The following CD302 variants were observed in gnomAD, a reference collection of about 807,000 sequenced individuals.
The protein encoded by CD302 is CD302 molecule.
In CD302, 23 loss-of-function variants were observed where a neutral mutation model predicts 26.5. That is an observed-to-expected ratio of 0.87 (90% CI 0.62 to 1.23). The LOEUF (loss-of-function observed/expected upper bound fraction) is 1.23. CD302 is among the 50% of genes most tolerant of loss of function. The probability of loss-of-function intolerance (pLI) is 0.00; values close to 1 mark genes in which losing one functional copy is unlikely to be tolerated. For missense variants in CD302, 290 were observed against 275.5 expected (o/e 1.05, Z -0.37); for synonymous variants, 90 against 99.4 (o/e 0.91, Z 0.56).
intron 2 of CD302, 128 bp downstream of exon 2, chr2:159,783,227 CAAAT>C: frequency 1.5e-6 from 1 of 665,556 alleles, no homozygotes; most frequent in Non-Finnish European, 2.4e-6. Context: ...TGTGTGTTGT[CAAAT>C]AAAAGTTGTA....
rs746063946 is a variant in CD302 at position 159,771,867 on chromosome 2, G to A, written c.683C>T (p.Pro228Leu). 1.9e-6 allele frequency: 3 copies of A among 1,613,666 alleles called. No homozygotes were observed. The highest frequency in any genetic ancestry group is 8.5e-7 in the Non-Finnish European group (1 of 1,179,822). The change falls in exon 6 of 6, where the codon CCT (proline) becomes CTT (leucine). Residue 228 changes from proline (P) to leucine (L), a missense_variant. Coordinates refer to ENST00000259053, the MANE Select transcript of CD302 (RefSeq NM_014880.5). ...VLVVGEENEY[P>L]VQFD Reference sequence around the variant, plus strand: ...ACCAAAAACTTAGTCAAATTGAACAGGATATTCATTTTCTTCTCCAACTAC... The same window carrying A: ...ACCAAAAACTTAGTCAAATTGAACAAGATATTCATTTTCTTCTCCAACTAC...
intron 1 of CD302, among the ~76,000 whole-genome samples, chr2:159,797,219 G>GT (rs1231266282): frequency 8.2e-6 from 1 of 122,312 alleles, no homozygotes; most frequent in African/African-American, 3.2e-5. Flanking sequence ...CTGGGGCAAG[G>GT]GGTGGGGGGG....
chr2:159,795,275 T>G (rs1286901019), intron 1 of CD302, among the ~76,000 whole-genome samples: 1 of 151,574 alleles, frequency 6.6e-6, no homozygotes, highest in East Asian at 1.9e-4. Flanking sequence ...ATTAAGATGA[T>G]TTAAGGCTTT....
intron 4 of CD302, among the ~76,000 whole-genome samples, chr2:159,779,187 C>T (rs910182180): frequency 5.0e-5 from 6 of 120,138 alleles, no homozygotes; most frequent in Admixed American, 9.5e-5. Flanking sequence ...GCCAAGATCG[C>T]GCCACCGCAC....
rs1369251423 is a variant in CD302, at chr2:159,771,900, C to T, written c.650G>A (p.Cys217Tyr). 4 of 1,613,890 alleles carry T rather than the reference C, an allele frequency of 2.5e-6. No individual in the cohort carries two copies. The highest frequency in any genetic ancestry group is 1.3e-5 in the African/African-American group (1 of 74,912). ...ATTTTCTTCTCCAACTACCAAAACA[C>T]AGTCTTCATTATAAGGTGATTGGGG... Reference protein sequence around the residue: ...TAPQSPYNEDCVLVVGEENEY... With the variant: ...TAPQSPYNEDYVLVVGEENEY... The change falls in exon 6 of 6, where the codon TGT (cysteine) becomes TAT (tyrosine). Residue 217 changes from cysteine (C) to tyrosine (Y), a missense_variant. Physicochemically the swap from Cys to Tyr is radical, Grantham distance 194. Coordinates refer to ENST00000259053, the MANE Select transcript of CD302 (RefSeq NM_014880.5).
intron 4 of CD302, among the ~76,000 whole-genome samples, 172 bp from the exon 5 acceptor site, chr2:159,778,136 A>G (rs181579429): frequency 6.6e-6 from 1 of 152,262 alleles, no homozygotes; most frequent in East Asian, 1.9e-4. Flanking sequence ...TCTGTTGTCT[A>G]TTTTGAACTT....
At chr2:159,790,424 A>C (rs1384448169) in intron 1 of CD302, among the ~76,000 whole-genome samples, 1 of 152,192 alleles carries the variant, frequency 6.6e-6, no homozygotes, top group African/African-American at 2.4e-5. Context: ...GCACAGTTAC[A>C]GGTACCTAGT....
intron 4 of CD302, 31 bp from the exon 5 acceptor site, chr2:159,777,995 T>G: frequency 1.1e-6 from 1 of 879,732 alleles, no homozygotes; most frequent in Non-Finnish European, 1.6e-6. Flanking sequence ...AAAATTAGAA[T>G]TTAATTATGC....
intron 3 of CD302, among the ~76,000 whole-genome samples, 179 bp from the exon 4 acceptor site, chr2:159,780,357 G>A (rs1282862327): frequency 1.3e-5 from 2 of 152,072 alleles, no homozygotes; most frequent in East Asian, 1.9e-4. Context: ...AAAAGCTATC[G>A]ATTTAAGAGG....
intron 5 of CD302, among the ~76,000 whole-genome samples, chr2:159,777,220 C>T (rs1708361600): frequency 6.6e-6 from 1 of 152,136 alleles, no homozygotes; most frequent in African/African-American, 2.4e-5. Flanking sequence ...CACTGCACTC[C>T]GCAAATGGGT....
In CD302 at chr2:159,771,839, A is replaced by G; in HGVS notation, c.*12T>C. Reference sequence around the variant, plus strand: ...CATTTTGTTGATGTCTTAGTGCAAGATTACCAAAAACTTAGTCAAATTGAA... The same window carrying G: ...CATTTTGTTGATGTCTTAGTGCAAGGTTACCAAAAACTTAGTCAAATTGAA... On this transcript the variant is annotated 3_prime_UTR_variant, in exon 6 of 6. Coordinates refer to ENST00000259053, the MANE Select transcript of CD302 (RefSeq NM_014880.5). 6.2e-7 allele frequency: 1 copy of G among 1,613,156 alleles called. No individual in the cohort carries two copies. Among genetic ancestry groups the G allele is most frequent in the Non-Finnish European group, 8.5e-7 (1 of 1,179,284 alleles).
rs1380381498 is a variant in CD302, at chr2:159,795,396, TA to T, written c.67+2735del. Among the ~76,000 whole-genome samples the T allele has an allele frequency of 6.6e-5, 10 of 152,344 alleles. No individual in the cohort carries two copies. In the East Asian group the frequency reaches 1.9e-3, roughly 29 times the overall value. ...ACTCACCTAAATTTTTTCATCCTTTTATTATAACTTAGAATAAAGTGCAGAG... is the reference window on the plus strand; with the variant it reads ...ACTCACCTAAATTTTTTCATCCTTTTTTATAACTTAGAATAAAGTGCAGAG... On this transcript the variant is annotated intron_variant, in intron 1 of 5. Transcript: ENST00000259053.
chr2:159,770,488 T>TAGTC lies in CD302; in HGVS notation c.*1359_*1362dup, dbSNP rs1430556242. On this transcript the variant is annotated 3_prime_UTR_variant, in exon 6 of 6. Transcript: ENST00000259053. ...ACACAAGCTGGAACTTTGTTGCCAT[T>TAGTC]AGTCAAGCTAGTGAGATAGTATATC... 6.6e-6 allele frequency: 1 copy of TAGTC among 152,198 alleles called. No individual in the cohort carries two copies. The highest frequency in any genetic ancestry group is 2.4e-5 in the African/African-American group (1 of 41,458). 9.4% of individuals were successfully genotyped at this position (152,198 alleles called of 1,614,324 possible). A position where few individuals can be genotyped will look rare whatever the true frequency, so the allele number is the denominator to read the frequency against.
intron 1 of CD302, among the ~76,000 whole-genome samples, chr2:159,795,521 T>G (rs1326029480): frequency 1.3e-5 from 2 of 152,212 alleles, no homozygotes; most frequent in Admixed American, 1.3e-4. Flanking sequence ...GACAGATGAA[T>G]AAACACAATG....
At chr2:159,790,624 T>C (rs1708782312) in intron 1 of CD302, among the ~76,000 whole-genome samples, 1 of 152,232 alleles carries the variant, frequency 6.6e-6, no homozygotes, top group African/African-American at 2.4e-5. Context: ...CTCTTCTTTT[T>C]TCCCTTTTTA....
At chr2:159,774,824 T>G (rs1447104813) in intron 5 of CD302, among the ~76,000 whole-genome samples, 1 of 152,196 alleles carries the variant, frequency 6.6e-6, no homozygotes, top group Admixed American at 6.5e-5. Flanking sequence ...CAGCTTACCC[T>G]TGGTATGAAG....
Position 159,783,409 on chromosome 2 carries a change from G to A in CD302, c.128C>T (p.Ala43Val), listed in dbSNP as rs780029145. The change falls in exon 2 of 6, where the codon GCC becomes GTC. Residue 43 changes from alanine (A) to valine (V), a missense_variant. Transcript: ENST00000259053. ...QDSCYIFLQE[A>V]IKVESIEDVR... ...ATCCTCTATGCTTTCTACTTTGATG[G>A]CTTCTTGGAGAAAAATGTAACAACT... is the stretch of plus-strand genomic sequence containing the variant. 1.2e-6 allele frequency: 2 copies of A among 1,612,700 alleles called. No homozygotes were observed. Among genetic ancestry groups the A allele is most frequent in the South Asian group, 1.1e-5 (1 of 90,840 alleles).
intron 5 of CD302, among the ~76,000 whole-genome samples, chr2:159,777,002 A>ATCTC (rs1274927999): frequency 1.3e-5 from 2 of 151,854 alleles, no homozygotes; most frequent in Non-Finnish European, 2.9e-5. Context: ...AACGCCTGTA[A>ATCTC]TCTCAGCACT....
intron 1 of CD302, among the ~76,000 whole-genome samples, chr2:159,784,419 G>A (rs907369928): frequency 1.6e-5 from 2 of 128,718 alleles, no homozygotes; most frequent in African/African-American, 2.9e-5. Flanking sequence ...GCAGTGGCGC[G>A]ATCTCAGCTC....
Sources: allele counts gnomAD v4.1 joint callset (sites outside exome capture counted in the v4.1 genomes callset), GRCh38; gene constraint gnomAD v4.1.1; transcripts MANE v1.5; gene names NCBI Gene and HGNC (gene_info 2026-07-23, HGNC 2026-07-21).